DYNC2LI1: variants seen among roughly 807,000 people sequenced by gnomAD.
The protein encoded by DYNC2LI1 is dynein cytoplasmic 2 light intermediate chain 1.
A neutral mutation model predicts 51.9 loss-of-function variants in DYNC2LI1; 45 were observed. The ratio of observed to expected loss-of-function variants is 0.87; its 90% CI spans 0.68 to 1.11. The LOEUF is 1.11. Among genes scored for constraint, DYNC2LI1 ranks in the 50% most tolerant of loss-of-function variants. DYNC2LI1 has a pLI of 0.00. For missense variants in DYNC2LI1, 490 were observed against 417.4 expected (o/e 1.17, Z -1.51); for synonymous variants, 130 against 137.8 (o/e 0.94, Z 0.40).
the DYNC2LI1 span, chr2:43,822,870 T>C: frequency 6.2e-7 from 1 of 1,614,144 alleles, no homozygotes. Context: ...TAGGCCAGCA[T>C]CATCTGCCAC....
intron 8 of DYNC2LI1, among the ~76,000 whole-genome samples, chr2:43,800,540 T>C (rs1013625665): frequency 6.6e-6 from 1 of 152,152 alleles, no homozygotes; most frequent in African/African-American, 2.4e-5. Flanking sequence ...CATTCATATA[T>C]ATATATTTTA....
intron 12 of DYNC2LI1, among the ~76,000 whole-genome samples, chr2:43,809,244 A>G (rs1412437501): frequency 6.6e-6 from 1 of 152,108 alleles, no homozygotes; most frequent in Non-Finnish European, 1.5e-5. Flanking sequence ...CTCCTGCCCC[A>G]GCCTCCCAAA....
At chr2:43,775,582 C>G (rs568930972) in intron 1 of DYNC2LI1, 1 of 243,772 alleles carries the variant, frequency 4.1e-6, no homozygotes, top group Non-Finnish European at 8.0e-6. Flanking sequence ...ACTGCAGCCT[C>G]GACCTCCAGG....
the DYNC2LI1 span, among the ~76,000 whole-genome samples, chr2:43,817,276 G>A: frequency 6.6e-6 from 1 of 152,086 alleles, no homozygotes; most frequent in East Asian, 1.9e-4. Flanking sequence ...CTTGAAGTCA[G>A]GAGTTTGAGA....
intron 3 of DYNC2LI1, among the ~76,000 whole-genome samples, chr2:43,784,469 C>T (rs1431589510): frequency 1.3e-4 from 19 of 150,214 alleles, no homozygotes; most frequent in African/African-American, 4.2e-4. Context: ...GATGGAGTTT[C>T]GCTCTTGTTG....
At chr2:43,807,242 C>A (rs778201943) in intron 12 of DYNC2LI1, among the ~76,000 whole-genome samples, 1 of 152,084 alleles carries the variant, frequency 6.6e-6, no homozygotes, top group South Asian at 2.1e-4. Flanking sequence ...TTTCATCTTT[C>A]CTGCAGACTT....
intron 4 of DYNC2LI1, 30 bp downstream of exon 4, chr2:43,787,280 GC>G: frequency 6.5e-7 from 1 of 1,541,632 alleles, no homozygotes. Flanking sequence ...ACATTGCTAT[GC>G]CCATAGATGG....
the DYNC2LI1 span, among the ~76,000 whole-genome samples, chr2:43,827,041 G>A: frequency 6.6e-6 from 1 of 152,148 alleles, no homozygotes; most frequent in African/African-American, 2.4e-5. Context: ...AAGTGACAAG[G>A]GGGCCGGGCG....
chr2:43,774,894 A>C (rs1326802410), intron 1 of DYNC2LI1, among the ~76,000 whole-genome samples: 6 of 152,184 alleles, frequency 3.9e-5, no homozygotes, highest in African/African-American at 7.2e-5. Flanking sequence ...GCAGATCCTC[A>C]TATTTTGAAA....
At chr2:43,826,440 GCCAGTTCCA>G in the DYNC2LI1 span, 3 of 1,614,142 alleles carry the variant, frequency 1.9e-6, no homozygotes, top group Non-Finnish European at 2.5e-6. Flanking sequence ...GTTCCTGCGA[GCCAGTTCCA>G]CCAGGAGGAC....
chr2:43,826,376 T>A, the DYNC2LI1 span: 2 of 1,613,918 alleles, frequency 1.2e-6, no homozygotes, highest in Non-Finnish European at 1.7e-6. Flanking sequence ...GAGTTGAACC[T>A]CTTACCTGAA....
intron 1 of DYNC2LI1, among the ~76,000 whole-genome samples, chr2:43,775,474 GT>G (rs966985507): frequency 2.0e-5 from 3 of 147,346 alleles, no homozygotes; most frequent in Non-Finnish European, 4.5e-5. Flanking sequence ...TGGTTTTAGG[GT>G]TTTTTTTTCT....
At chr2:43,794,984 G>C in intron 6 of DYNC2LI1, 1 of 1,203,610 alleles carries the variant, frequency 8.3e-7, no homozygotes, top group Non-Finnish European at 1.0e-6. Flanking sequence ...ACCTGACAAA[G>C]ACTAGATGAA....
In DYNC2LI1 at chr2:43,787,136, C is replaced by G. The variant is rs751744462; in HGVS notation, c.162-45C>G. 4.7e-6 allele frequency: 7 copies of G among 1,502,038 alleles called. No homozygotes were observed. In the South Asian group the frequency reaches 8.1e-5, roughly 17 times the overall value. The allele number at this position is 1,502,038 out of a possible 1,614,324, so 93.0% of individuals were successfully genotyped here. On this transcript the variant is annotated intron_variant, in intron 3 of 12. Coordinates refer to ENST00000260605, the MANE Select transcript of DYNC2LI1 (RefSeq NM_016008.4). ...TCAGGTAAGGTGATAGCATAAGAAA[C>G]TAATACCACCTACAATGATAATACT... is the stretch of plus-strand genomic sequence containing the variant.
At chr2:43,792,672 C>A (rs1413997930) in intron 5 of DYNC2LI1, 2 of 1,541,454 alleles carry the variant, frequency 1.3e-6, no homozygotes, top group Non-Finnish European at 8.7e-7. Flanking sequence ...TTTTCCTTCC[C>A]CAGCTCCTGG....
chr2:43,818,560 G>A, the DYNC2LI1 span, among the ~76,000 whole-genome samples: 2 of 152,176 alleles, frequency 1.3e-5, no homozygotes, highest in Non-Finnish European at 2.9e-5. Flanking sequence ...CTGAAACAAT[G>A]ATTCAAATAA....
chr2:43,821,501 C>T, the DYNC2LI1 span, among the ~76,000 whole-genome samples: 1 of 152,206 alleles, frequency 6.6e-6, no homozygotes, highest in African/African-American at 2.4e-5. Context: ...GCACAGCCTC[C>T]TGCCTCTCAC....
At chr2:43,812,063 G>A (rs1666505713), downstream of DYNC2LI1, among the ~76,000 whole-genome samples, 1 of 150,970 alleles carries the variant, frequency 6.6e-6, no homozygotes, top group Non-Finnish European at 1.5e-5. Flanking sequence ...TTCTTTTTTA[G>A]AGACAGGGTC....
At chr2:43,823,897 GCACGTGGGCACTTACA>G in the DYNC2LI1 span, 4 of 1,612,806 alleles carry the variant, frequency 2.5e-6, no homozygotes, top group South Asian at 4.4e-5. Flanking sequence ...TGCACCTCCA[GCACGTGGGCACTTACA>G]CAGATTCACA....
Sources: allele counts gnomAD v4.1 joint callset (sites outside exome capture counted in the v4.1 genomes callset), GRCh38; gene constraint gnomAD v4.1.1; transcripts MANE v1.5; gene names NCBI Gene and HGNC (gene_info 2026-07-23, HGNC 2026-07-21).